DLG1: variants seen among roughly 807,000 people sequenced by gnomAD.
The protein encoded by DLG1 is discs large MAGUK scaffold protein 1.
Under a neutral mutation model 123.4 loss-of-function variants are expected in DLG1, and 42 were observed. The ratio of observed to expected loss-of-function variants is 0.34; its 90% confidence interval spans 0.27 to 0.44. The LOEUF is 0.44. DLG1 is among the 20% of genes least tolerant of loss of function. DLG1 has a pLI of 1.00. For synonymous variants in DLG1, 317 were observed against 356.2 expected, an observed-to-expected ratio of 0.89 and a Z score of 1.24; for missense variants, 942 against 1,082.6, an observed-to-expected ratio of 0.87 and a Z score of 1.82.
intron 5 of DLG1, among the ~76,000 whole-genome samples, chr3:197,155,109 TCA>T (rs1204086329): frequency 2.0e-5 from 3 of 151,994 alleles, no homozygotes; most frequent in African/African-American, 7.2e-5. Flanking sequence ...TCCAACAGAC[TCA>T]CACTGAGACA....
intron 13 of DLG1, among the ~76,000 whole-genome samples, chr3:197,105,354 G>A (rs1765767954): frequency 6.6e-6 from 1 of 152,138 alleles, no homozygotes; most frequent in Non-Finnish European, 1.5e-5. Flanking sequence ...AGGAACTCAA[G>A]CAATGGGAGG....
intron 10 of DLG1, among the ~76,000 whole-genome samples, chr3:197,132,928 G>T (rs923063683): frequency 7.8e-6 from 1 of 128,962 alleles, no homozygotes; most frequent in Non-Finnish European, 1.6e-5. Flanking sequence ...GTGGTATACT[G>T]CTGAAATACA....
chr3:197,285,000 A>T (rs1210121527), intron 3 of DLG1, among the ~76,000 whole-genome samples: 2 of 151,082 alleles, frequency 1.3e-5, no homozygotes, highest in Admixed American at 6.6e-5. Flanking sequence ...TAGGTCCAAC[A>T]GAAGAGGCCA....
At chr3:197,100,840 C>G (rs1451148715) in intron 14 of DLG1, among the ~76,000 whole-genome samples, 1 of 152,162 alleles carries the variant, frequency 6.6e-6, no homozygotes, top group East Asian at 1.9e-4. Flanking sequence ...TCTGAGGAGT[C>G]TGATGGCCCC....
intron 7 of DLG1, among the ~76,000 whole-genome samples, chr3:197,140,527 T>A (rs1409510351): frequency 6.6e-6 from 1 of 152,240 alleles, no homozygotes; most frequent in African/African-American, 2.4e-5. Context: ...TTTAAAAGTA[T>A]GTGCAACTTG....
intron 10 of DLG1, chr3:197,136,281 T>G: frequency 6.2e-6 from 2 of 325,122 alleles, no homozygotes; most frequent in Non-Finnish European, 1.1e-5. Context: ...ACCTAAGGAT[T>G]ATGATGAAAC....
intron 23 of DLG1, 39 bp downstream of exon 23, chr3:197,059,850 T>C: frequency 7.2e-7 from 1 of 1,391,284 alleles, no homozygotes; most frequent in Non-Finnish European, 1.0e-6. Context: ...AGTGACTGAA[T>C]TTGTACACAG....
At chr3:197,091,552 T>C (rs917518362) in intron 14 of DLG1, among the ~76,000 whole-genome samples, 6 of 152,030 alleles carry the variant, frequency 3.9e-5, no homozygotes, top group Non-Finnish European at 8.8e-5. Flanking sequence ...TTATTTTAAC[T>C]GATTTTATAA....
At chr3:197,254,112 A>G (rs28631825) in intron 4 of DLG1, among the ~76,000 whole-genome samples, 23,561 of 152,128 alleles carry the variant, frequency 0.15, 2,718 homozygotes, top group African/African-American at 0.33. Context: ...TGGAGCCTTT[A>G]ATGACGTGGG....
At chr3:197,060,647 G>C (rs1429019138) in intron 22 of DLG1, among the ~76,000 whole-genome samples, 3 of 152,098 alleles carry the variant, frequency 2.0e-5, no homozygotes, top group Admixed American at 1.3e-4. Context: ...TAGCATATGG[G>C]ACCCCAGTTC....
chr3:197,106,400 GCT>G (rs377746223), intron 13 of DLG1, among the ~76,000 whole-genome samples: 21 of 151,920 alleles, frequency 1.4e-4, no homozygotes, highest in African/African-American at 4.3e-4. Context: ...AGAGAGGGAC[GCT>G]CTGTCTCCAG....
intron 4 of DLG1, among the ~76,000 whole-genome samples, chr3:197,204,028 G>C (rs1396506747): frequency 6.6e-6 from 1 of 152,188 alleles, no homozygotes; most frequent in Non-Finnish European, 1.5e-5. Context: ...TACTTAAATA[G>C]AGTACAAAGA....
At chr3:197,179,198 G>A (rs1180596142) in intron 5 of DLG1, among the ~76,000 whole-genome samples, 3 of 152,154 alleles carry the variant, frequency 2.0e-5, no homozygotes, top group Non-Finnish European at 2.9e-5. Context: ...TTTCTGTGGT[G>A]ACAGGCTAAA....
chr3:197,279,897 A>G (rs976636717), intron 4 of DLG1, among the ~76,000 whole-genome samples: 1 of 152,248 alleles, frequency 6.6e-6, no homozygotes, highest in African/African-American at 2.4e-5. Context: ...TTTATAGGGT[A>G]CATGCGATAT....
chr3:197,051,717 TA>T (rs35272365), intron 23 of DLG1, 49 bp from the exon 24 acceptor site: 47 of 1,422,994 alleles, frequency 3.3e-5, no homozygotes, highest in East Asian at 2.3e-4. Context: ...ATAATACTTT[TA>T]AAAAAAAGAT....
intron 5 of DLG1, among the ~76,000 whole-genome samples, chr3:197,189,268 T>G (rs1020443435): frequency 2.0e-5 from 3 of 152,226 alleles, no homozygotes; most frequent in African/African-American, 7.2e-5. Flanking sequence ...GCTGACATGG[T>G]CATCAAATTA....
At chr3:197,137,832 T>A (rs1165726183) in intron 9 of DLG1, among the ~76,000 whole-genome samples, 1 of 151,420 alleles carries the variant, frequency 6.6e-6, no homozygotes, top group Non-Finnish European at 1.5e-5. Flanking sequence ...ATCAGCCCAG[T>A]GTGGTGGTGT....
At chr3:197,087,927 G>T (rs1253412409) in intron 15 of DLG1, among the ~76,000 whole-genome samples, 1 of 152,154 alleles carries the variant, frequency 6.6e-6, no homozygotes, top group Admixed American at 6.5e-5. Context: ...CAGAGAAATT[G>T]AATTTGAGGA....
intron 12 of DLG1, among the ~76,000 whole-genome samples, chr3:197,117,623 C>A (rs1436250926): frequency 1.3e-5 from 2 of 152,040 alleles, no homozygotes; most frequent in East Asian, 3.8e-4. Flanking sequence ...CCAGAATAGG[C>A]AAATTCATAG....
Sources: allele counts gnomAD v4.1 joint callset (sites outside exome capture counted in the v4.1 genomes callset), GRCh38; gene constraint gnomAD v4.1.1; transcripts MANE v1.5; gene names NCBI Gene and HGNC (gene_info 2026-07-23, HGNC 2026-07-21).